The following TMEM132D variants were observed in gnomAD, a reference collection of about 807,000 sequenced individuals.
The protein encoded by TMEM132D is transmembrane protein 132D, also known as mature OL transmembrane protein.
A neutral mutation model predicts 62.3 loss-of-function variants in TMEM132D; 21 were observed. The observed-to-expected ratio is 0.34, with a 90% confidence interval of 0.24 to 0.49. TMEM132D has a LOEUF of 0.49. TMEM132D is among the 20% of genes least tolerant of loss of function. TMEM132D has a pLI of 0.99. For missense variants in TMEM132D, 1,346 were observed against 1,402.8 expected (o/e 0.96, Z 0.65); for synonymous variants, 621 against 575.6 (o/e 1.08, Z -1.13).
intron 1 of TMEM132D, among the ~76,000 whole-genome samples, chr12:129,873,060 G>A (rs1435487580): frequency 2.0e-5 from 3 of 152,166 alleles, no homozygotes; most frequent in Non-Finnish European, 2.9e-5. Flanking sequence ...AGCAAGTCAC[G>A]CGCCTGGAGT....
intron 1 of TMEM132D, among the ~76,000 whole-genome samples, chr12:129,787,901 G>A (rs566120026): frequency 8.5e-5 from 13 of 152,296 alleles, no homozygotes; most frequent in African/African-American, 2.4e-4. Context: ...GGAGGGGCCC[G>A]TTGAAGGCCC....
chr12:129,175,256 G>A (rs947101197), intron 5 of TMEM132D, among the ~76,000 whole-genome samples: 2 of 152,090 alleles, frequency 1.3e-5, no homozygotes, highest in African/African-American at 4.8e-5. Context: ...TGTATAAGGT[G>A]TAAGGAAGGG....
intron 5 of TMEM132D, among the ~76,000 whole-genome samples, chr12:129,153,093 C>A (rs939224396): frequency 2.6e-5 from 4 of 152,164 alleles, no homozygotes; most frequent in Admixed American, 6.5e-5. Context: ...TCAGGCTCCC[C>A]TCTTTGTCCT....
chr12:129,250,122 G>A (rs759256251), intron 4 of TMEM132D, among the ~76,000 whole-genome samples: 1 of 152,110 alleles, frequency 6.6e-6, no homozygotes, highest in African/African-American at 2.4e-5. Context: ...CAATGGAGAC[G>A]TCAAGGGAAA....
At chr12:129,743,418 C>T (rs1869670644) in intron 1 of TMEM132D, among the ~76,000 whole-genome samples, 1 of 152,092 alleles carries the variant, frequency 6.6e-6, no homozygotes, top group South Asian at 2.1e-4. Flanking sequence ...GGGGCTTTTC[C>T]CCCTTTTACT....
intron 1 of TMEM132D, among the ~76,000 whole-genome samples, chr12:129,890,257 T>C (rs1430232666): frequency 6.6e-6 from 1 of 152,194 alleles, no homozygotes; most frequent in Non-Finnish European, 1.5e-5. Context: ...CGCAGGGCAG[T>C]GAGTGACATG....
intron 4 of TMEM132D, among the ~76,000 whole-genome samples, chr12:129,283,334 G>A (rs758847842): frequency 1.3e-5 from 2 of 152,114 alleles, no homozygotes; most frequent in Non-Finnish European, 2.9e-5. Context: ...TGGGATTACA[G>A]GTGCATGCCA....
chr12:129,876,701 G>T (rs1341520260), intron 1 of TMEM132D, among the ~76,000 whole-genome samples: 3 of 152,096 alleles, frequency 2.0e-5, no homozygotes, highest in African/African-American at 7.2e-5. Context: ...AGGCTCTCTG[G>T]GGTGGCTTCC....
chr12:129,291,143 C>T (rs1429992107), intron 4 of TMEM132D, among the ~76,000 whole-genome samples: 1 of 152,172 alleles, frequency 6.6e-6, no homozygotes, highest in African/African-American at 2.4e-5. Flanking sequence ...ACTATAAACT[C>T]CCCATCAGTC....
intron 2 of TMEM132D, among the ~76,000 whole-genome samples, chr12:129,674,085 C>T (rs1262540189): frequency 6.6e-6 from 1 of 152,152 alleles, no homozygotes; most frequent in Non-Finnish European, 1.5e-5. Context: ...AAATGCAAGC[C>T]TCCTTGAGTT....
intron 4 of TMEM132D, among the ~76,000 whole-genome samples, chr12:129,244,489 A>G (rs1337503668): frequency 2.4e-5 from 2 of 84,422 alleles, no homozygotes; most frequent in Non-Finnish European, 2.7e-5. Context: ...GACAATGCTT[A>G]CGCTATGGCT....
intron 1 of TMEM132D, among the ~76,000 whole-genome samples, chr12:129,740,171 C>G (rs1165239000): frequency 6.6e-6 from 1 of 152,132 alleles, no homozygotes; most frequent in South Asian, 2.1e-4. Context: ...CTGACCATAT[C>G]GTTGTAATCA....
At chr12:129,743,731 T>C (rs1240938082) in intron 1 of TMEM132D, among the ~76,000 whole-genome samples, 1 of 152,090 alleles carries the variant, frequency 6.6e-6, no homozygotes, top group Non-Finnish European at 1.5e-5. Context: ...GATGAGAGAT[T>C]ATCCTGAATT....
At chr12:129,464,338 T>G (rs1298114110) in intron 3 of TMEM132D, among the ~76,000 whole-genome samples, 1 of 152,192 alleles carries the variant, frequency 6.6e-6, no homozygotes, top group Non-Finnish European at 1.5e-5. Context: ...TTCTTGTAAA[T>G]TTATTTAAGT....
rs549510020 is a variant in TMEM132D at position 129,392,693 on chromosome 12, C to T, written c.1116-54876G>A. 2.0e-5 allele frequency among the ~76,000 whole-genome samples: 3 copies of T among 152,184 alleles called. No individual in the cohort carries two copies. In the South Asian group the frequency reaches 6.2e-4, roughly 32 times the overall value. Reference sequence around the variant, plus strand: ...GGGACCCCAGGCCAGGGCCCACCACCCTTGATGGAACAAGCCCTCCCCCAA... The same window carrying T: ...GGGACCCCAGGCCAGGGCCCACCACTCTTGATGGAACAAGCCCTCCCCCAA... On this transcript the variant is annotated intron_variant, in intron 3 of 8. Transcript: ENST00000422113.
In TMEM132D at chr12:129,569,143, A is replaced by G. The variant is rs534983982; in HGVS notation, c.969-37938T>C. ...TAAAGCTGCTGACAGCTACATTTGGAAAGATTTACAGTAGGTAACGGGAAG... is the reference window on the plus strand; with the variant it reads ...TAAAGCTGCTGACAGCTACATTTGGGAAGATTTACAGTAGGTAACGGGAAG... On this transcript the variant is annotated intron_variant, in intron 2 of 8. Transcript: ENST00000422113. Among the ~76,000 whole-genome samples the G allele has an allele frequency of 2.0e-4, 31 of 152,304 alleles. No homozygotes were observed. The South Asian group carries it at 6.4e-3, about 32-fold the overall frequency.
intron 4 of TMEM132D, among the ~76,000 whole-genome samples, chr12:129,219,169 G>A (rs1404468266): frequency 2.0e-5 from 3 of 152,178 alleles, no homozygotes; most frequent in Non-Finnish European, 4.4e-5. Flanking sequence ...TAATCTCCAT[G>A]TGTCATGGGA....
intron 3 of TMEM132D, among the ~76,000 whole-genome samples, chr12:129,388,287 CTGA>C (rs1566053412): frequency 7.0e-5 from 7 of 99,926 alleles, no homozygotes; most frequent in African/African-American, 1.3e-4. Flanking sequence ...CAATCCAGCA[CTGA>C]TGATAATATT....
rs916917427 is a variant in TMEM132D, at chr12:129,094,118, T to C, written c.1444-9416A>G. ...GGCTTTACCATTCAGGACATAGGCA[T>C]GGGCAAGGACTTCATGTCTAAAACA... On this transcript the variant is annotated intron_variant, in intron 5 of 8. Transcript: ENST00000422113. Among the ~76,000 whole-genome samples the C allele has an allele frequency of 4.6e-5, 7 of 152,150 alleles. 1 individual carries two copies. The highest frequency in any genetic ancestry group is 1.7e-4 in the African/African-American group (7 of 41,400).
Sources: gnomAD v4.1 joint callset for allele counts (sites outside exome capture counted in the v4.1 genomes callset) on GRCh38, gnomAD v4.1.1 for gene constraint, MANE v1.5 for transcripts, NCBI Gene and HGNC (gene_info 2026-07-23, HGNC 2026-07-21) for gene names.